The following MET variants were observed in gnomAD, a reference collection of about 807,000 sequenced individuals.
The protein encoded by MET is hepatocyte growth factor receptor.
In MET, 48 loss-of-function variants were observed where a neutral mutation model predicts 133.1. That is an observed-to-expected ratio of 0.36 (90% CI 0.29 to 0.46). The LOEUF is 0.46. Among genes scored for constraint, MET ranks in the 20% least tolerant of loss-of-function variants. The pLI is 1.00. For missense variants in MET, 1,442 were observed against 1,695.9 expected (o/e 0.85, Z 2.63); for synonymous variants, 628 against 616.5 (o/e 1.02, Z -0.28).
At chr7:116,687,952 C>T (rs544915846) in intron 1 of MET, among the ~76,000 whole-genome samples, 7 of 152,342 alleles carry the variant, frequency 4.6e-5, no homozygotes, top group African/African-American at 1.7e-4. Context: ...ACCTGCATTC[C>T]TCCACAGCCA....
chr7:116,722,540 A>G (rs1381092078), intron 2 of MET, among the ~76,000 whole-genome samples: 3 of 151,648 alleles, frequency 2.0e-5, no homozygotes, highest in Non-Finnish European at 2.9e-5. Context: ...TTAGCTGGTT[A>G]TTTTGCTCGT....
At chr7:116,683,826 TG>T (rs1796447759) in intron 1 of MET, among the ~76,000 whole-genome samples, 1 of 152,246 alleles carries the variant, frequency 6.6e-6, no homozygotes, top group East Asian at 1.9e-4. Flanking sequence ...ACATTTTCTT[TG>T]CCTACAATTG....
In MET at chr7:116,699,322, A is replaced by C; in HGVS notation, c.238A>C (p.Lys80Gln). Residue 80 changes from lysine to glutamine, a missense_variant, in exon 2 of 21, where the codon AAG becomes CAG. Transcript: ENST00000397752. Reference sequence around the variant, plus strand: ...TGTTTTAAATGAGGAAGACCTTCAGAAGGTTGCTGAGTACAAGACTGGGCC... The same window carrying C: ...TGTTTTAAATGAGGAAGACCTTCAGCAGGTTGCTGAGTACAAGACTGGGCC... The part of the protein sequence containing the change: ...IYVLNEEDLQ[K>Q]VAEYKTGPVL... The C allele has an allele frequency of 6.2e-7, 1 of 1,614,076 alleles. No individual in the cohort carries two copies. The highest frequency in any genetic ancestry group is 8.5e-7 in the Non-Finnish European group (1 of 1,179,958).
intron 2 of MET, among the ~76,000 whole-genome samples, chr7:116,725,068 A>G (rs1262707583): frequency 1.3e-5 from 2 of 152,176 alleles, no homozygotes; most frequent in Admixed American, 1.3e-4. Flanking sequence ...AGGCATCCCT[A>G]GAGTGTGGGT....
intron 2 of MET, among the ~76,000 whole-genome samples, chr7:116,711,044 A>T (rs951421329): frequency 9.9e-5 from 15 of 152,224 alleles, no homozygotes; most frequent in Non-Finnish European, 1.2e-4. Flanking sequence ...TTCACTGCCA[A>T]TGTATAATAA....
At chr7:116,761,161 A>G (rs1367732239) in intron 10 of MET, among the ~76,000 whole-genome samples, 1 of 152,166 alleles carries the variant, frequency 6.6e-6, no homozygotes, top group African/African-American at 2.4e-5. Context: ...ATTTATTAAA[A>G]ACTTTTTAGG....
rs1792379288 is a variant in MET, at chr7:116,719,259, T to C, written c.1201-12409T>C. Among the ~76,000 whole-genome samples, 3 of 148,654 alleles carry C rather than the reference T, an allele frequency of 2.0e-5. No individual in the cohort carries two copies. In the South Asian group the frequency reaches 6.5e-4, roughly 32 times the overall value. On this transcript the variant is annotated intron_variant, in intron 2 of 20. Transcript: ENST00000397752. ...TGATGGCCAGTGATGATGAGCATTT[T>C]TTCATGTGTTTTTTGGCTGCATAAA...
chr7:116,732,745 A>G (rs936513194), intron 3 of MET, among the ~76,000 whole-genome samples: 3 of 152,198 alleles, frequency 2.0e-5, no homozygotes, highest in African/African-American at 4.8e-5. Flanking sequence ...AGCTTTTCCT[A>G]TAACTTGCCT....
At chr7:116,791,214 G>A (rs982241089) in intron 19 of MET, among the ~76,000 whole-genome samples, 4 of 152,110 alleles carry the variant, frequency 2.6e-5, no homozygotes, top group Admixed American at 1.3e-4. Flanking sequence ...GAATATCTAG[G>A]TGTAAGAGTA....
chr7:116,678,998 A>G (rs1193534551), intron 1 of MET, among the ~76,000 whole-genome samples: 1 of 152,130 alleles, frequency 6.6e-6, no homozygotes, highest in Non-Finnish European at 1.5e-5. Flanking sequence ...TGCAACCATG[A>G]CAGTATGGAT....
At chr7:116,702,466 C>A (rs1258411721) in intron 2 of MET, among the ~76,000 whole-genome samples, 1 of 151,964 alleles carries the variant, frequency 6.6e-6, no homozygotes, top group Non-Finnish European at 1.5e-5. Flanking sequence ...TAGCTTAATG[C>A]CAAAATGAAG....
chr7:116,781,903 T>C, intron 17 of MET, 85 bp from the exon 18 acceptor site: 1 of 904,696 alleles, frequency 1.1e-6, no homozygotes, highest in Non-Finnish European at 1.8e-6. Flanking sequence ...GATAATTTTT[T>C]ATAAATAAAT....
At chr7:116,761,597 A>T (rs2116947688) in intron 10 of MET, among the ~76,000 whole-genome samples, 1 of 152,314 alleles carries the variant, frequency 6.6e-6, no homozygotes, top group African/African-American at 2.4e-5. Flanking sequence ...AACAAAATGT[A>T]TATTAAATTG....
intron 2 of MET, among the ~76,000 whole-genome samples, chr7:116,703,084 T>G (rs910356166): frequency 2.0e-5 from 3 of 152,176 alleles, no homozygotes; most frequent in Admixed American, 6.5e-5. Flanking sequence ...TTCCCAGTAC[T>G]CGTCATCTTC....
At position 116,795,764 on chromosome 7, in the gene MET, T is replaced by C; in HGVS notation, c.3908T>C (p.Leu1303Pro). The change falls in exon 20 of 21, where the codon CTA (leucine) becomes CCA (proline). Residue 1303 changes from leucine to proline, a missense_variant. Leu to Pro is a moderately conservative substitution (Grantham distance 98, BLOSUM62 -3). Transcript: ENST00000397752. Reference sequence around the variant, plus strand: ...TACTTGTTGCAAGGGAGAAGACTCCTACAACCCGAATACTGCCCAGACCCC... The same window carrying C: ...TACTTGTTGCAAGGGAGAAGACTCCCACAACCCGAATACTGCCCAGACCCC... ...TVYLLQGRRLLQPEYCPDPLY... is the reference protein window; with the variant it reads ...TVYLLQGRRLPQPEYCPDPLY... 1 of 1,614,196 alleles carries C rather than the reference T, an allele frequency of 6.2e-7. No individual in the cohort carries two copies. The highest frequency in any genetic ancestry group is 8.5e-7 in the Non-Finnish European group (1 of 1,180,016).
chr7:116,765,411 C>T (rs1163592164), intron 11 of MET, among the ~76,000 whole-genome samples: 1 of 151,850 alleles, frequency 6.6e-6, no homozygotes, highest in African/African-American at 2.4e-5. Context: ...TGCAGCCATG[C>T]ATGCAAGAGT....
rs957795484 is a variant in MET, at chr7:116,737,419, G to T, written c.1393-2531G>T. On this transcript the variant is annotated intron_variant, in intron 3 of 20. Coordinates refer to ENST00000397752, the MANE Select transcript of MET (RefSeq NM_000245.4). ...GTTTTAGTACTTTTACTCACGAGTG[G>T]CTCTTGGGAGCTCAGAGTTGAAGCT... is the stretch of plus-strand genomic sequence containing the variant. 2.0e-5 allele frequency among the ~76,000 whole-genome samples: 3 copies of T among 152,184 alleles called. No individual in the cohort carries two copies. In the South Asian group the frequency reaches 6.2e-4, roughly 32 times the overall value.
At chr7:116,725,466 A>G (rs1792709557) in intron 2 of MET, among the ~76,000 whole-genome samples, 1 of 36,842 alleles carries the variant, frequency 2.7e-5, no homozygotes, top group South Asian at 1.3e-3. Flanking sequence ...TATGATATAC[A>G]TATATATATA....
chr7:116,766,330 A>C (rs933568182), intron 11 of MET, among the ~76,000 whole-genome samples: 2 of 152,218 alleles, frequency 1.3e-5, no homozygotes, highest in Non-Finnish European at 1.5e-5. Flanking sequence ...AAACAGGAAA[A>C]AGAAGCACAG....
Sources: allele counts gnomAD v4.1 joint callset (sites outside exome capture counted in the v4.1 genomes callset), GRCh38; gene constraint gnomAD v4.1.1; transcripts MANE v1.5; gene names NCBI Gene and HGNC (gene_info 2026-07-23, HGNC 2026-07-21).